ACCSL: variants seen among roughly 807,000 people sequenced by gnomAD.
ACCSL encodes the protein probable inactive 1-aminocyclopropane-1-carboxylate synthase-like protein 2.
A neutral mutation model predicts 61.7 loss-of-function variants in ACCSL; 55 were observed. The ratio of observed to expected loss-of-function variants is 0.89; its 90% CI spans 0.72 to 1.12. The LOEUF is 1.12. Among genes scored for constraint, ACCSL ranks in the 50% most tolerant of loss-of-function variants. The pLI is 0.00. For synonymous variants in ACCSL, 258 were observed against 264.3 expected (o/e 0.98, Z 0.23); for missense variants, 632 against 698.0 (o/e 0.91, Z 1.07).
the ACCSL span, chr11:43,921,241 A>C: frequency 6.6e-6 from 1 of 152,192 alleles, no homozygotes; most frequent in African/African-American, 2.4e-5. Context: ...CCATGATCAT[A>C]GGAAAATGCC....
chr11:43,967,802 G>A, the ACCSL span, among the ~76,000 whole-genome samples: 30 of 152,140 alleles, frequency 2.0e-4, no homozygotes, highest in Non-Finnish European at 5.9e-5. Flanking sequence ...CCAGCTATTG[G>A]TAGAAGTTTC....
At chr11:44,049,912 C>A in intron 1 of ACCSL, 150 bp from the exon 2 acceptor site, 1 of 1,007,460 alleles carries the variant, frequency 9.9e-7, no homozygotes, top group Non-Finnish European at 1.5e-6. Context: ...ATTTTGGGTT[C>A]ATGGAAAGCT....
chr11:44,020,213 T>C, the ACCSL span, among the ~76,000 whole-genome samples: 1 of 152,216 alleles, frequency 6.6e-6, no homozygotes, highest in Non-Finnish European at 1.5e-5. Flanking sequence ...TTAGCTCGTA[T>C]AGTTTGTGTA....
At chr11:43,974,951 T>A in the ACCSL span, among the ~76,000 whole-genome samples, 1 of 152,232 alleles carries the variant, frequency 6.6e-6, no homozygotes, top group Non-Finnish European at 1.5e-5. Flanking sequence ...TTTATTGTTT[T>A]AAGACACTAA....
chr11:43,999,223 C>T, the ACCSL span, among the ~76,000 whole-genome samples: 7 of 152,190 alleles, frequency 4.6e-5, no homozygotes, highest in Non-Finnish European at 7.4e-5. Flanking sequence ...CCAAGCCCCG[C>T]TCTAGGCATA....
the ACCSL span, among the ~76,000 whole-genome samples, chr11:44,009,561 T>C: frequency 1.3e-5 from 2 of 151,818 alleles, no homozygotes; most frequent in Admixed American, 1.3e-4. Context: ...AACCCAGGAG[T>C]TTGAGACCAG....
the ACCSL span, among the ~76,000 whole-genome samples, chr11:44,035,066 T>C: frequency 6.6e-6 from 1 of 152,140 alleles, no homozygotes; most frequent in Non-Finnish European, 1.5e-5. Flanking sequence ...CATTCTTCCT[T>C]CCCCCAGAGA....
the ACCSL span, among the ~76,000 whole-genome samples, chr11:43,990,640 G>C: frequency 2.6e-5 from 4 of 152,228 alleles, no homozygotes; most frequent in South Asian, 8.3e-4. Context: ...GCTAGGTCTT[G>C]TTATCAAATT....
chr11:43,980,597 C>T, the ACCSL span, among the ~76,000 whole-genome samples: 47 of 152,192 alleles, frequency 3.1e-4, 1 homozygote, highest in Non-Finnish European at 1.5e-5. Flanking sequence ...TGCTGCTATA[C>T]TGCAAGGTAG....
chr11:44,045,202 C>T (rs1952591017), upstream of ACCSL, among the ~76,000 whole-genome samples: 1 of 152,152 alleles, frequency 6.6e-6, no homozygotes, highest in Non-Finnish European at 1.5e-5. Context: ...CTTAGGGAGG[C>T]TGAGGCGAGA....
the ACCSL span, among the ~76,000 whole-genome samples, chr11:44,000,534 A>AAG: frequency 3.1e-3 from 469 of 149,570 alleles, 13 homozygotes; most frequent in African/African-American, 0.011. Flanking sequence ...TCAAAAAAAA[A>AAG]AAAAGAAAAG....
intron 8 of ACCSL, among the ~76,000 whole-genome samples, chr11:44,054,037 A>C (rs571280149): frequency 6.6e-6 from 1 of 152,304 alleles, no homozygotes; most frequent in African/African-American, 2.4e-5. Context: ...GTCAAAATAT[A>C]GTTTTGTTTT....
the ACCSL span, among the ~76,000 whole-genome samples, chr11:43,986,865 A>T: frequency 6.6e-6 from 1 of 152,108 alleles, no homozygotes; most frequent in African/African-American, 2.4e-5. Context: ...TGTATGAGAC[A>T]CCCCAATAAA....
chr11:44,052,952 A>G, intron 6 of ACCSL, 39 bp from the exon 7 acceptor site: 1 of 1,591,344 alleles, frequency 6.3e-7, no homozygotes, highest in Non-Finnish European at 8.6e-7. Flanking sequence ...CAAGACTTAG[A>G]TTTTAAGAGA....
At chr11:43,942,126 AC>A in the ACCSL span, 2 of 153,462 alleles carry the variant, frequency 1.3e-5, no homozygotes, top group Admixed American at 1.3e-4. Context: ...AGGGGAGCCC[AC>A]CCCTTCTTCC....
At chr11:43,935,158 G>A in the ACCSL span, among the ~76,000 whole-genome samples, 30 of 152,336 alleles carry the variant, frequency 2.0e-4, no homozygotes, top group African/African-American at 6.3e-4. Flanking sequence ...GACCCCCGGC[G>A]AATCAGAGTC....
At chr11:43,925,424 A>C in the ACCSL span, 1 of 456,104 alleles carries the variant, frequency 2.2e-6, no homozygotes, top group South Asian at 1.5e-5. Context: ...TCCACGCTGC[A>C]CCAGCCAGGT....
At chr11:43,985,716 T>C in the ACCSL span, among the ~76,000 whole-genome samples, 1 of 152,192 alleles carries the variant, frequency 6.6e-6, no homozygotes, top group East Asian at 1.9e-4. Flanking sequence ...ATTGTCACCA[T>C]TATTAATATC....
chr11:44,012,306 G>A, the ACCSL span, among the ~76,000 whole-genome samples: 1 of 149,808 alleles, frequency 6.7e-6, no homozygotes, highest in African/African-American at 2.5e-5. Context: ...TTTTTTTTGA[G>A]ATAGAGTTTC....
Sources: gnomAD v4.1 joint callset for allele counts (sites outside exome capture counted in the v4.1 genomes callset) on GRCh38, gnomAD v4.1.1 for gene constraint, MANE v1.5 for transcripts, NCBI Gene and HGNC (gene_info 2026-07-23, HGNC 2026-07-21) for gene names.